Variants in BEST2 observed in about 807,000 individuals in gnomAD.
BEST2 encodes the protein bestrophin 2.
A neutral mutation model predicts 49.0 loss-of-function variants in BEST2; 36 were observed. That is an observed-to-expected ratio of 0.73 (90% CI 0.56 to 0.97). BEST2 has a LOEUF of 0.97. Ranked by LOEUF, BEST2 falls within the 50% of genes least tolerant of loss-of-function variation. BEST2 has a pLI of 0.00. For synonymous variants in BEST2, 335 were observed against 304.4 expected, an observed-to-expected ratio of 1.10 and a Z score of -1.05; for missense variants, 672 against 710.0, an observed-to-expected ratio of 0.95 and a Z score of 0.61.
chr19:12,757,536 T>G lies in BEST2; in HGVS notation c.1104-115T>G, dbSNP rs879357620. ...GGCTCTGGGTTTAGGAGCTAAGATC[T>G]TTGGGGATAAGTGGGACAAAGCGGT... On this transcript the variant is annotated intron_variant, in intron 9 of 9. Transcript: ENST00000553030. 86 of 1,203,356 alleles carry G rather than the reference T, an allele frequency of 7.1e-5. 1 individual carries two copies. Among genetic ancestry groups the G allele is most frequent in the Non-Finnish European group, 9.3e-5 (82 of 881,690 alleles). 74.5% of individuals were successfully genotyped at this position (1,203,356 alleles called of 1,614,324 possible).
rs1358980288 is a variant in BEST2 at position 12,754,717 on chromosome 19, T to A, written c.413T>A (p.Leu138His). Residue 138 changes from leucine to histidine, a missense_variant, in exon 4 of 10, where the codon CTC becomes CAC. Physicochemically the swap from Leu to His is moderately conservative, Grantham distance 99. This residue lies in a region of BEST2 where 365 missense variants were observed against 390.9 expected (regional missense o/e 0.93). Transcript: ENST00000553030. ...CGCTACGCAGGGCTCTCGGCCGTGC[T>A]CATCCTGCGCTCCGTCAGCACCGCG... ...LMRYAGLSAV[L>H]ILRSVSTAVF... is the part of the protein sequence containing the mutation. 1 of 1,592,082 alleles carries A rather than the reference T, an allele frequency of 6.3e-7. No individual in the cohort carries two copies.
rs149797899 is a variant in BEST2 at position 12,758,025 on chromosome 19, C to G, written c.1478C>G (p.Ala493Gly). ...IVTMPGPRGP[A>G]PPWLPSPIGE... ...ACCATGCCCGGGCCCCGGGGTCCGG[C>G]GCCACCCTGGCTGCCCAGCCCTATT... Residue 493 changes from alanine to glycine, a missense_variant, in exon 10 of 10, where the codon GCG (alanine) becomes GGG (glycine). Ala to Gly is a moderately conservative substitution (Grantham distance 60, BLOSUM62 0). Coordinates refer to ENST00000553030, the MANE Select transcript of BEST2 (RefSeq NM_017682.3). 12,875 of 1,613,118 alleles carry G rather than the reference C, an allele frequency of 8.0e-3. 63 individuals are homozygous for G. The highest frequency in any genetic ancestry group is 9.3e-3 in the Non-Finnish European group (10,968 of 1,179,940).
In BEST2 at chr19:12,756,267, T is replaced by A. The variant is rs746102764; in HGVS notation, c.1075T>A (p.Ser359Thr). 6.2e-7 allele frequency: 1 copy of A among 1,613,726 alleles called. No individual in the cohort carries two copies. Among genetic ancestry groups the A allele is most frequent in the Non-Finnish European group, 8.5e-7 (1 of 1,180,044 alleles). Residue 359 changes from serine (S) to threonine (T), a missense_variant, in exon 9 of 10, where the codon TCC becomes ACC. Transcript: ENST00000553030. Reference sequence around the variant, plus strand: ...TACTGTCTTCCAGCTGCGGCAGCCTTCCTTCCAGGGCTCCACCTTTGACAT... The same window carrying A: ...TACTGTCTTCCAGCTGCGGCAGCCTACCTTCCAGGGCTCCACCTTTGACAT... ...AATVFQLRQPSFQGSTFDITL... is the reference protein window; with the variant it reads ...AATVFQLRQPTFQGSTFDITL...
chr19:12,754,524 T>C (rs372402154), intron 3 of BEST2, 28 bp from the exon 4 acceptor site: 11 of 1,427,128 alleles, frequency 7.7e-6, no homozygotes, highest in African/African-American at 7.2e-5. Context: ...GTGTCCCCAC[T>C]GAGCCCCCAT....
At chr19:12,754,018 T>C (rs550001767) in intron 3 of BEST2, among the ~76,000 whole-genome samples, 39 of 149,122 alleles carry the variant, frequency 2.6e-4, no homozygotes, top group Non-Finnish European at 5.9e-5. Flanking sequence ...ATGTCACATC[T>C]GAGGTGACTC....
At chr19:12,752,479 G>T (rs1194354945) in intron 1 of BEST2, 63 bp from the exon 2 acceptor site, 7 of 1,158,946 alleles carry the variant, frequency 6.0e-6, no homozygotes, top group African/African-American at 1.5e-5. Flanking sequence ...GGGGTGGCGG[G>T]CCGGAACATG....
chr19:12,754,837 G>T (rs774618767), intron 4 of BEST2, 40 bp from the exon 5 acceptor site: 7 of 1,594,392 alleles, frequency 4.4e-6, no homozygotes, highest in Non-Finnish European at 6.0e-6. Flanking sequence ...CCAGGTGGAG[G>T]GGGGCAAGGG....
chr19:12,753,421 G>C, intron 3 of BEST2, 67 bp downstream of exon 3: 1 of 1,473,038 alleles, frequency 6.8e-7, no homozygotes, highest in Non-Finnish European at 9.5e-7. Flanking sequence ...CATGCCTTTT[G>C]AGGAGCCCCC....
chr19:12,756,414 A>C (rs183197984), intron 9 of BEST2, 119 bp downstream of exon 9: 1 of 1,363,076 alleles, frequency 7.3e-7, no homozygotes, highest in African/African-American at 1.4e-5. Context: ...CTAAAGTCTC[A>C]GGACTGTGAT....
In BEST2 at chr19:12,758,222, C is replaced by A. The variant is rs1183558787; in HGVS notation, c.*145C>A. 4 of 1,062,906 alleles carry A rather than the reference C, an allele frequency of 3.8e-6. No homozygotes were observed. The highest frequency in any genetic ancestry group is 1.6e-5 in the South Asian group (1 of 64,002). The allele number at this position is 1,062,906 out of a possible 1,614,324, so 65.8% of individuals were successfully genotyped here. On this transcript the variant is annotated 3_prime_UTR_variant, in exon 10 of 10. Transcript: ENST00000553030. ...GCTCTCGCTGCCCGCATGTGTTTGGCGCTGTGCTAGGGGCGGGAGTTCTTC... is the reference window on the plus strand; with the variant it reads ...GCTCTCGCTGCCCGCATGTGTTTGGAGCTGTGCTAGGGGCGGGAGTTCTTC...
rs1967924411 is a variant in BEST2 at position 12,755,109 on chromosome 19, C to T, written c.636+78C>T. Reference sequence around the variant, plus strand: ...TGGAGCTGTGTCAACGGCGGCCCTCCAAGCACCCCCACGAGGCCGATTTCA... The same window carrying T: ...TGGAGCTGTGTCAACGGCGGCCCTCTAAGCACCCCCACGAGGCCGATTTCA... On this transcript the variant is annotated intron_variant, in intron 5 of 9. Transcript: ENST00000553030. The surrounding 1 kb of genome is among the most constrained non-coding windows in gnomAD (Gnocchi z 4.4). 7.4e-6 allele frequency: 11 copies of T among 1,490,034 alleles called. No individual in the cohort carries two copies. Among genetic ancestry groups the T allele is most frequent in the South Asian group, 2.7e-5 (2 of 73,914 alleles). The allele number at this position is 1,490,034 out of a possible 1,614,324, so 92.3% of individuals were successfully genotyped here.
At chr19:12,752,474 G>T in intron 1 of BEST2, 68 bp from the exon 2 acceptor site, 2 of 1,098,602 alleles carry the variant, frequency 1.8e-6, no homozygotes, top group Non-Finnish European at 2.6e-6. Flanking sequence ...CTGAAGGGGT[G>T]GCGGGCCGGA....
rs1599458477 is a variant in BEST2 at position 12,755,534 on chromosome 19, G to A, written c.714+78G>A. ...GTTTCCAAGGGGAAACCAAGAACTA[G>A]CTAAGACCCCCATCATAATGATGCC... On this transcript the variant is annotated intron_variant, in intron 6 of 9. Transcript: ENST00000553030. This position sits in a 1 kb window ranked among gnomAD's most constrained non-coding sequence, Gnocchi z 4.4. The A allele has an allele frequency of 6.2e-7, 1 of 1,609,328 alleles. No homozygotes were observed. The highest frequency in any genetic ancestry group is 8.5e-7 in the Non-Finnish European group (1 of 1,176,070).
chr19:12,757,734 G>A lies in BEST2; in HGVS notation c.1187G>A (p.Arg396His), dbSNP rs1568353731. ...GAGGCGCCCGGCGACTTCCTGCAGCGCCTCCTGCCGGCGGGCGCGGGCATG... is the reference window on the plus strand; with the variant it reads ...GAGGCGCCCGGCGACTTCCTGCAGCACCTCCTGCCGGCGGGCGCGGGCATG... The part of the protein sequence containing the change: ...MGEAPGDFLQ[R>H]LLPAGAGMVA... Residue 396 changes from arginine (R) to histidine (H), a missense_variant, in exon 10 of 10, where the codon CGC becomes CAC. Coordinates refer to ENST00000553030, the MANE Select transcript of BEST2 (RefSeq NM_017682.3). 1 of 1,544,414 alleles carries A rather than the reference G, an allele frequency of 6.5e-7. No homozygotes were observed. Among genetic ancestry groups the A allele is most frequent in the Non-Finnish European group, 8.7e-7 (1 of 1,146,724 alleles).
At position 12,756,179 on chromosome 19, in the gene BEST2, G is replaced by T; in HGVS notation, c.987G>T (p.Leu329=). ...CAGTGGACGAGATGTATGATGACCT[G>T]GCTGTGCTGGAGAAGGACTTGTACT... ...MLAVDEMYDD[L]AVLEKDLYWD... Residue 329 remains leucine (L), a synonymous_variant, in exon 9 of 10, where the codon CTG becomes CTT. Transcript: ENST00000553030. 1 of 1,614,226 alleles carries T rather than the reference G, an allele frequency of 6.2e-7. No homozygotes were observed. The highest frequency in any genetic ancestry group is 1.6e-4 in the Middle Eastern group (1 of 6,062).
chr19:12,754,931 A>G lies in BEST2; in HGVS notation c.536A>G (p.Asn179Ser). Residue 179 changes from asparagine to serine, a missense_variant, in exon 5 of 10, where the codon AAC becomes AGC. Asn to Ser is a conservative substitution (Grantham distance 46). Coordinates refer to ENST00000553030, the MANE Select transcript of BEST2 (RefSeq NM_017682.3). ...KKFENLNSSY[N>S]KYWVPCVWFS... The stretch of plus-strand genomic sequence containing the variant: ...TTTGAAAACCTGAACTCATCCTACA[A>G]CAAGTACTGGGTGCCCTGCGTCTGG... 1 of 1,613,822 alleles carries G rather than the reference A, an allele frequency of 6.2e-7. No homozygotes were observed.
rs1350955232 is a variant in BEST2 at position 12,754,622 on chromosome 19, C to T, written c.318C>T (p.Leu106=). Residue 106 remains leucine, a synonymous_variant, in exon 4 of 10, where the codon CTC becomes CTT. Coordinates refer to ENST00000553030, the MANE Select transcript of BEST2 (RefSeq NM_017682.3). ...QYLCMPLPDA[L]MCVVAGTVHG... is the part of the protein sequence containing the mutation. ...TATGCATGCCGCTGCCCGACGCGCT[C>T]ATGTGCGTGGTGGCGGGCACCGTGC... 2.6e-6 allele frequency: 4 copies of T among 1,564,792 alleles called. No homozygotes were observed. Among genetic ancestry groups the T allele is most frequent in the Admixed American group, 1.9e-5 (1 of 53,786 alleles).
intron 1 of BEST2, 37 bp from the exon 2 acceptor site, chr19:12,752,505 C>T (rs1410342951): frequency 7.2e-7 from 1 of 1,393,320 alleles, no homozygotes; most frequent in Non-Finnish European, 9.9e-7. Context: ...AATCCCTGTG[C>T]TCAGTTATCC....
chr19:12,752,797 A>G, intron 2 of BEST2, 53 bp downstream of exon 2: 2 of 1,124,394 alleles, frequency 1.8e-6, no homozygotes, highest in Non-Finnish European at 2.3e-6. Flanking sequence ...CAGCTATTAT[A>G]TATATATAAT....
Sources: gnomAD v4.1 joint callset for allele counts (sites outside exome capture counted in the v4.1 genomes callset) on GRCh38, gnomAD v4.1.1 for gene constraint, gnomAD v4.1.1 regional missense constraint, Gnocchi (gnomAD v3.1) non-coding constraint, MANE v1.5 for transcripts, NCBI Gene and HGNC (gene_info 2026-07-23, HGNC 2026-07-21) for gene names.